ZNF433: variants seen among roughly 807,000 people sequenced by gnomAD.
The protein encoded by ZNF433 is zinc finger protein 433.
In ZNF433, 12 loss-of-function variants were observed where a neutral mutation model predicts 10.6. The ratio of observed to expected loss-of-function variants is 1.13; its 90% CI spans 0.72 to 1.83. The LOEUF is 1.83. Ranked by LOEUF, ZNF433 falls within the 40% of genes most tolerant of loss-of-function variation. ZNF433 has a pLI of 0.00. For synonymous variants in ZNF433, 272 were observed against 271.3 expected, an observed-to-expected ratio of 1.00 and a Z score of -0.02; for missense variants, 737 against 798.0, an observed-to-expected ratio of 0.92 and a Z score of 0.92.
At position 12,015,812 on chromosome 19, in the gene ZNF433, CTGG is replaced by C. The variant is rs776854739; in HGVS notation, c.1043_1045del (p.Thr348del). On this transcript the variant is annotated inframe_deletion, in exon 4 of 4. Transcript: ENST00000550507. ...GTGCATTCCCAAGTGGTTTTGAAAG[CTGG>C]TAAGATAAGATAATACTTTCCCACA... is the stretch of plus-strand genomic sequence containing the variant. 13 of 1,613,890 alleles carry C rather than the reference CTGG, an allele frequency of 8.1e-6. No individual in the cohort carries two copies. The East Asian group carries it at 2.9e-4, about 36-fold the overall frequency.
chr19:12,034,672 C>A, intron 1 of ZNF433: 1 of 379,424 alleles, frequency 2.6e-6, no homozygotes, highest in Non-Finnish European at 5.3e-6. Context: ...ATGACAGATA[C>A]CAGACCCTCT....
At chr19:12,031,870 C>T (rs1975045628) in intron 1 of ZNF433, among the ~76,000 whole-genome samples, 1 of 135,890 alleles carries the variant, frequency 7.4e-6, no homozygotes, top group Non-Finnish European at 1.5e-5. Context: ...TGGGTGACAG[C>T]AAGACCCTTT....
rs1304372986 is a variant in ZNF433 at position 12,031,908 on chromosome 19, C to A, written c.3+3629G>T. Among the ~76,000 whole-genome samples the A allele has an allele frequency of 2.0e-5, 3 of 149,912 alleles. No individual in the cohort carries two copies. The South Asian group carries it at 6.3e-4, about 31-fold the overall frequency. On this transcript the variant is annotated intron_variant, in intron 1 of 3. Coordinates refer to ENST00000550507, the MANE Select transcript of ZNF433 (RefSeq NM_001308348.2). The stretch of plus-strand genomic sequence containing the variant: ...AAAAAAAAAAAAAAAGTCCTCCATC[C>A]TGCAAAGAACTGTTTTTTTTTTTTC...
At chr19:12,031,129 C>T (rs1974995969) in intron 1 of ZNF433, among the ~76,000 whole-genome samples, 1 of 151,968 alleles carries the variant, frequency 6.6e-6, no homozygotes, top group Non-Finnish European at 1.5e-5. Flanking sequence ...AACCCCGTCT[C>T]TACTAAAAAT....
chr19:12,023,452 A>G (rs1974591921), intron 1 of ZNF433: 1 of 152,244 alleles, frequency 6.6e-6, no homozygotes, highest in African/African-American at 2.4e-5. Context: ...ATATGTGGAA[A>G]TGGGGAAAAG....
chr19:12,019,597 G>GA (rs372475211), intron 1 of ZNF433, among the ~76,000 whole-genome samples: 6 of 152,168 alleles, frequency 3.9e-5, no homozygotes, highest in African/African-American at 1.4e-4. Flanking sequence ...TATTAAATTT[G>GA]AAAAAATTGA....
At position 12,015,032 on chromosome 19, in the gene ZNF433, T is replaced by C. The variant is rs1327859706; in HGVS notation, c.1826A>G (p.His609Arg). 6.2e-7 allele frequency: 1 copy of C among 1,613,988 alleles called. No individual in the cohort carries two copies. The highest frequency in any genetic ancestry group is 1.3e-5 in the African/African-American group (1 of 74,924). The part of the protein sequence containing the change: ...ASRLQMHGRT[H>R]TGEKPYKCKQ... Reference sequence around the variant, plus strand: ...ACATTTATACGGTTTCTCTCCAGTGTGAGTCCTTCCATGCATTTGAAGTCG... The same window carrying C: ...ACATTTATACGGTTTCTCTCCAGTGCGAGTCCTTCCATGCATTTGAAGTCG... The change falls in exon 4 of 4, where the codon CAC becomes CGC. Residue 609 changes from histidine (H) to arginine (R), a missense_variant. Coordinates refer to ENST00000550507, the MANE Select transcript of ZNF433 (RefSeq NM_001308348.2).
rs1255296235 is a variant in ZNF433, at chr19:12,015,831, C to T, written c.1027G>A (p.Val343Ile). ...TGAAAGCTGGTAAGATAAGATAATA[C>T]TTTCCCACAATGTTTACATTCATAG... ...KPYECKHCGK[V>I]LSYLTSFQNH... Residue 343 changes from valine (V) to isoleucine (I), a missense_variant, in exon 4 of 4, where the codon GTA (valine) becomes ATA (isoleucine). Transcript: ENST00000550507. The T allele has an allele frequency of 2.5e-6, 4 of 1,614,164 alleles. No homozygotes were observed. The Admixed American group carries it at 6.7e-5, about 27-fold the overall frequency.
At chr19:12,027,249 T>C in intron 1 of ZNF433, 1 of 366,308 alleles carries the variant, frequency 2.7e-6, no homozygotes, top group Non-Finnish European at 5.2e-6. Flanking sequence ...GTTGTCTTTG[T>C]ATAGTCTGCA....
chr19:12,023,031 G>T (rs888906559), intron 1 of ZNF433, among the ~76,000 whole-genome samples: 1 of 152,194 alleles, frequency 6.6e-6, no homozygotes, highest in Non-Finnish European at 1.5e-5. Flanking sequence ...AGATCAACAG[G>T]AAAATACTAT....
At chr19:12,031,183 C>CT (rs1974999159) in intron 1 of ZNF433, among the ~76,000 whole-genome samples, 1 of 151,654 alleles carries the variant, frequency 6.6e-6, no homozygotes, top group South Asian at 2.1e-4. Context: ...GTAGTCCCAG[C>CT]TACTTGGGAG....
Position 12,015,120 on chromosome 19 carries a change from T to C in ZNF433, c.1738A>G (p.Thr580Ala). 1.9e-6 allele frequency: 3 copies of C among 1,614,092 alleles called. No homozygotes were observed. Among genetic ancestry groups the C allele is most frequent in the Non-Finnish European group, 2.5e-6 (3 of 1,179,980 alleles). The change falls in exon 4 of 4, where the codon ACT becomes GCT. Residue 580 changes from threonine (T) to alanine (A), a missense_variant. Coordinates refer to ENST00000550507, the MANE Select transcript of ZNF433 (RefSeq NM_001308348.2). Reference sequence around the variant, plus strand: ...TCATAGGGTTTCTCTCCAGTGTGAGTCCTTCCATGCATTTGAAGGTGTGAG... The same window carrying C: ...TCATAGGGTTTCTCTCCAGTGTGAGCCCTTCCATGCATTTGAAGGTGTGAG... ...SASHLQMHGR[T>A]HTGEKPYECK...
chr19:12,033,373 A>G (rs1444484406), intron 1 of ZNF433, among the ~76,000 whole-genome samples: 1 of 152,158 alleles, frequency 6.6e-6, no homozygotes, highest in East Asian at 1.9e-4. Context: ...TTGGGATTAT[A>G]GGCATGAGCC....
In ZNF433 at chr19:12,015,085, C is replaced by G. The variant is rs371317412; in HGVS notation, c.1773G>C (p.Gln591His). 9.3e-6 allele frequency: 15 copies of G among 1,611,604 alleles called. No homozygotes were observed. Among genetic ancestry groups the G allele is most frequent in the African/African-American group, 1.4e-5 (1 of 73,986 alleles). Residue 591 changes from glutamine to histidine, a missense_variant, in exon 4 of 4, where the codon CAG becomes CAC. Physicochemically the swap from Gln to His is conservative, Grantham distance 24 (BLOSUM62 0). Transcript: ENST00000550507. ...AGGCACATCCAAAAGACTTCCCACA[C>G]TGCTTACATTCATAGGGTTTCTCTC... Reference protein sequence around the residue: ...HTGEKPYECKQCGKSFGCASR... With the variant: ...HTGEKPYECKHCGKSFGCASR...
In ZNF433 at chr19:12,015,774, A is replaced by AT; in HGVS notation, c.1083dup (p.Ser362IlefsTer3). ...TTCCCACATATCTTACATTTATGAG[A>AT]TATCTCTCCAGTGTGCATTCCCAAG... On this transcript the variant is annotated frameshift_variant, in exon 4 of 4. Transcript: ENST00000550507. LOFTEE classifies it low-confidence loss of function (END_TRUNC). 6.2e-7 allele frequency: 1 copy of AT among 1,613,720 alleles called. No homozygotes were observed. The highest frequency in any genetic ancestry group is 8.5e-7 in the Non-Finnish European group (1 of 1,179,928).
intron 2 of ZNF433, 57 bp from the exon 3 acceptor site, chr19:12,017,993 ACATGATT>A: frequency 7.3e-7 from 1 of 1,373,434 alleles, no homozygotes. Flanking sequence ...TTAAAAAATT[ACATGATT>A]CTATGTTCAT....
chr19:12,017,715 A>G (rs1974278013), intron 3 of ZNF433, among the ~76,000 whole-genome samples, 161 bp downstream of exon 3: 1 of 152,086 alleles, frequency 6.6e-6, no homozygotes, highest in Non-Finnish European at 1.5e-5. Flanking sequence ...CATTGTGTCA[A>G]GCCTACATCA....
rs772190804 is a variant in ZNF433 at position 12,015,598 on chromosome 19, CTCGT to C, written c.1256_1259del (p.Tyr419CysfsTer248). On this transcript the variant is annotated frameshift_variant, in exon 4 of 4. Coordinates refer to ENST00000550507, the MANE Select transcript of ZNF433 (RefSeq NM_001308348.2). LOFTEE classifies it low-confidence loss of function (END_TRUNC). ...TGAAGGCTTTCCCACATTGCTTACA[CTCGT>C]AAGGTTTCTCTCCAGTGTGAGTTCT... The C allele has an allele frequency of 6.2e-7, 1 of 1,605,658 alleles. No individual in the cohort carries two copies. Among genetic ancestry groups the C allele is most frequent in the South Asian group, 1.1e-5 (1 of 89,818 alleles).
chr19:12,021,387 A>T (rs1284926486), intron 1 of ZNF433, among the ~76,000 whole-genome samples: 3 of 152,208 alleles, frequency 2.0e-5, no homozygotes, highest in African/African-American at 7.2e-5. Context: ...AAGGCAGTGC[A>T]CAGAGAATCT....
Sources: gnomAD v4.1 joint callset for allele counts (sites outside exome capture counted in the v4.1 genomes callset) on GRCh38, gnomAD v4.1.1 for gene constraint, MANE v1.5 for transcripts, NCBI Gene and HGNC (gene_info 2026-07-23, HGNC 2026-07-21) for gene names.